Variants in CCDC194 observed in about 807,000 individuals in gnomAD.
CCDC194 encodes the protein coiled-coil domain-containing protein 194.
Under a neutral mutation model 4.9 loss-of-function variants are expected in CCDC194, and 8 were observed. That is an observed-to-expected ratio of 1.65 (90% CI 0.97 to 2.97). CCDC194 has a LOEUF of 2.97. Among genes scored for constraint, CCDC194 ranks in the 30% most tolerant of loss-of-function variants. The pLI is 0.00. For synonymous variants in CCDC194, 13 were observed against 17.0 expected, an observed-to-expected ratio of 0.76 and a Z score of 0.58; for missense variants, 52 against 43.1, an observed-to-expected ratio of 1.21 and a Z score of -0.58.
chr19:17,387,875 C>G (rs1324181874), downstream of CCDC194, among the ~76,000 whole-genome samples: 2 of 151,900 alleles, frequency 1.3e-5, no homozygotes, highest in Non-Finnish European at 2.9e-5. Flanking sequence ...CTTTTTCTGT[C>G]TTTCTTTTCT....
chr19:17,388,132 C>T (rs187022131), downstream of CCDC194, among the ~76,000 whole-genome samples: 2 of 151,288 alleles, frequency 1.3e-5, no homozygotes, highest in African/African-American at 4.8e-5. Flanking sequence ...GTGATCCGCC[C>T]GCCTCGGCCT....
intron 2 of CCDC194, 179 bp from the exon 3 acceptor site, chr19:17,391,522 AT>A (rs1393078594): frequency 9.9e-7 from 1 of 1,013,742 alleles, no homozygotes. Context: ...ATAGGTTTGC[AT>A]TGCTTTCGTG....
intron 3 of CCDC194, 145 bp downstream of exon 3, chr19:17,391,066 C>T: frequency 2.9e-6 from 1 of 341,616 alleles, no homozygotes; most frequent in Non-Finnish European, 5.0e-6. Flanking sequence ...ATTCCAGGAT[C>T]CCCCTATTAA....
downstream of CCDC194, among the ~76,000 whole-genome samples, chr19:17,387,711 T>A (rs1211265793): frequency 6.6e-6 from 1 of 151,366 alleles, no homozygotes; most frequent in Non-Finnish European, 1.5e-5. Flanking sequence ...AAAGCAAGAC[T>A]CTATCTCAAA....
intron 2 of CCDC194, 78 bp from the exon 3 acceptor site, chr19:17,391,421 A>G: frequency 4.0e-6 from 2 of 495,074 alleles, no homozygotes; most frequent in Non-Finnish European, 7.1e-6. Flanking sequence ...CCAAGTTGAT[A>G]GTCTGCATGC....
chr19:17,392,247 C>A (rs541717553), intron 1 of CCDC194: 19 of 155,754 alleles, frequency 1.2e-4, no homozygotes, highest in Admixed American at 5.9e-4. Flanking sequence ...CCGAGGCAGG[C>A]GGATCACTTG....
chr19:17,390,951 C>A lies in CCDC194; in HGVS notation c.554+260G>T, dbSNP rs1000120908. Reference sequence around the variant, plus strand: ...CTTCTCTTCCGTTCCCCGTCCCTCTCGGGGCTCCCACCGACGCTGGATCCT... The same window carrying A: ...CTTCTCTTCCGTTCCCCGTCCCTCTAGGGGCTCCCACCGACGCTGGATCCT... On this transcript the variant is annotated intron_variant, in intron 3 of 3. Transcript: ENST00000636079. The surrounding 1 kb of genome is among the most constrained non-coding windows in gnomAD (Gnocchi z 5.5). Among the ~76,000 whole-genome samples, 17 of 151,958 alleles carry A rather than the reference C, an allele frequency of 1.1e-4. No individual in the cohort carries two copies. The highest frequency in any genetic ancestry group is 2.1e-4 in the Non-Finnish European group (14 of 67,982).
Position 17,391,679 on chromosome 19 carries a change from T to C in CCDC194, c.421+71A>G, listed in dbSNP as rs111815278. On this transcript the variant is annotated intron_variant, in intron 2 of 3. Transcript: ENST00000636079. ...TGCATTACGTTTGCAACTGTGCTTG[T>C]TTGGATAACTAGGATTCACCTAGGC... 11,992 of 1,535,338 alleles carry C rather than the reference T, an allele frequency of 7.8e-3. 97 individuals carry two copies. Among genetic ancestry groups the C allele is most frequent in the Middle Eastern group, 0.033 (196 of 5,988 alleles).
At chr19:17,393,052 G>A (rs1157937318) in intron 1 of CCDC194, among the ~76,000 whole-genome samples, 1 of 152,168 alleles carries the variant, frequency 6.6e-6, no homozygotes, top group Non-Finnish European at 1.5e-5. Flanking sequence ...GGAATGGGGG[G>A]TGTGCACAGA....
intron 2 of CCDC194, 183 bp from the exon 3 acceptor site, chr19:17,391,526 C>G: frequency 9.4e-7 from 1 of 1,069,332 alleles, no homozygotes; most frequent in Non-Finnish European, 1.3e-6. Flanking sequence ...GTTTGCATTG[C>G]TTTCGTGAGT....
chr19:17,389,424 T>G (rs1021905992), downstream of CCDC194, among the ~76,000 whole-genome samples: 4 of 152,208 alleles, frequency 2.6e-5, no homozygotes, highest in Non-Finnish European at 5.9e-5. Flanking sequence ...TTTCTTGTGA[T>G]TCAACCTACA....
intron 1 of CCDC194, 158 bp from the exon 2 acceptor site, chr19:17,392,004 G>A: frequency 1.5e-6 from 1 of 685,962 alleles, no homozygotes; most frequent in South Asian, 2.7e-5. Flanking sequence ...AAATACAGAA[G>A]TGGCTTCTGA....
downstream of CCDC194, among the ~76,000 whole-genome samples, chr19:17,388,085 A>G (rs1356321794): frequency 2.0e-5 from 3 of 149,568 alleles, no homozygotes; most frequent in Non-Finnish European, 4.4e-5. Flanking sequence ...AAAGGGTTTC[A>G]CCGTGTTAGC....
chr19:17,393,968 G>T (rs961249653), exon 1 of CCDC194: 3 of 394,704 alleles, frequency 7.6e-6, no homozygotes, highest in African/African-American at 2.1e-5. Context: ...GTCGACCCCA[G>T]GCGGCGGGTC....
At chr19:17,391,933 C>T (rs1187311502) in intron 1 of CCDC194, 87 bp from the exon 2 acceptor site, 6 of 1,202,462 alleles carry the variant, frequency 5.0e-6, no homozygotes, top group Non-Finnish European at 5.6e-6. Flanking sequence ...CAGTGAGAAG[C>T]CACCTGCGAC....
chr19:17,388,530 G>A (rs149949320), downstream of CCDC194, among the ~76,000 whole-genome samples: 1,265 of 152,100 alleles, frequency 8.3e-3, 12 homozygotes, highest in African/African-American at 0.029. Flanking sequence ...CTCCGAAGTA[G>A]ATGGGACCAC....
intron 1 of CCDC194, 110 bp from the exon 2 acceptor site, chr19:17,391,956 G>A: frequency 9.6e-7 from 1 of 1,037,812 alleles, no homozygotes; most frequent in South Asian, 1.8e-5. Flanking sequence ...TGTGTCCTGA[G>A]CTTTGTGTGG....
At chr19:17,391,004 C>T (rs1189986368) in intron 3 of CCDC194, among the ~76,000 whole-genome samples, 1 of 152,128 alleles carries the variant, frequency 6.6e-6, no homozygotes, top group Non-Finnish European at 1.5e-5. Flanking sequence ...GAATGCCCGC[C>T]CCAGCCTGGA....
chr19:17,388,880 G>A (rs1415411923), downstream of CCDC194, among the ~76,000 whole-genome samples: 1 of 150,430 alleles, frequency 6.6e-6, no homozygotes, highest in East Asian at 2.0e-4. Flanking sequence ...CTGTCACTCA[G>A]AGGACTGAAG....
Sources: gnomAD v4.1 joint callset for allele counts (sites outside exome capture counted in the v4.1 genomes callset) on GRCh38, gnomAD v4.1.1 for gene constraint, Gnocchi (gnomAD v3.1) non-coding constraint, MANE v1.5 for transcripts, NCBI Gene and HGNC (gene_info 2026-07-23, HGNC 2026-07-21) for gene names.